Variants in CFAP99 observed in about 807,000 individuals in gnomAD.
CFAP99 encodes the protein cilia and flagella associated protein 99.
In CFAP99, 84 loss-of-function variants were observed where a neutral mutation model predicts 82.7. The observed-to-expected ratio is 1.02, with a 90% confidence interval of 0.85 to 1.22. The LOEUF (loss-of-function observed/expected upper bound fraction) is 1.22. Ranked by LOEUF, CFAP99 falls within the 50% of genes most tolerant of loss-of-function variation. The pLI, the probability that CFAP99 is intolerant of heterozygous loss-of-function variation, is 0.00. For synonymous variants in CFAP99, 456 were observed against 429.5 expected (o/e 1.06, Z -0.76); for missense variants, 1,059 against 983.5 (o/e 1.08, Z -1.03).
At chr4:2,436,526 C>T (rs927488761) in intron 2 of CFAP99, among the ~76,000 whole-genome samples, 3 of 152,202 alleles carry the variant, frequency 2.0e-5, no homozygotes, top group East Asian at 1.9e-4. Context: ...CTGCATTAGG[C>T]GACTCTCATG....
intron 4 of CFAP99, 40 bp downstream of exon 4, chr4:2,438,204 C>A: frequency 8.5e-7 from 1 of 1,170,018 alleles, no homozygotes; most frequent in Non-Finnish European, 1.2e-6. Context: ...ACGAGGCCCA[C>A]GGGTGAGGTC....
chr4:2,461,068 T>A (rs1394141675), intron 14 of CFAP99, among the ~76,000 whole-genome samples: 3 of 152,216 alleles, frequency 2.0e-5, no homozygotes, highest in Non-Finnish European at 4.4e-5. Context: ...TAACTTTTTT[T>A]TTCTTTTTAA....
intron 2 of CFAP99, among the ~76,000 whole-genome samples, chr4:2,434,598 G>C (rs1375172663): frequency 6.6e-6 from 1 of 152,244 alleles, no homozygotes; most frequent in African/African-American, 2.4e-5. Context: ...CCGGCTCCCA[G>C]CTGGTCAGAG....
intron 1 of CFAP99, among the ~76,000 whole-genome samples, chr4:2,422,666 T>C (rs1357456075): frequency 1.3e-5 from 2 of 152,130 alleles, no homozygotes; most frequent in African/African-American, 4.8e-5. Context: ...GTATACCCTG[T>C]TCCTCCAGGC....
intron 3 of CFAP99, 72 bp from the exon 4 acceptor site, chr4:2,437,998 C>T (rs1185218201): frequency 1.9e-5 from 17 of 906,848 alleles, no homozygotes; most frequent in Non-Finnish European, 2.8e-5. Flanking sequence ...TGGAGGCCTT[C>T]GGCTCCGGTC....
At chr4:2,438,676 G>A (rs559247470) in intron 4 of CFAP99, among the ~76,000 whole-genome samples, 23 of 152,178 alleles carry the variant, frequency 1.5e-4, no homozygotes, top group East Asian at 3.9e-4. Context: ...AGGCTGAAGC[G>A]GGAGGATCAC....
intron 1 of CFAP99, among the ~76,000 whole-genome samples, chr4:2,425,736 G>T (rs530458552): frequency 1.5e-4 from 23 of 152,254 alleles, no homozygotes; most frequent in Middle Eastern, 3.4e-3. Flanking sequence ...TAGTTTGGGG[G>T]CCACATGTTG....
intron 11 of CFAP99, 111 bp downstream of exon 11, chr4:2,452,457 T>A: frequency 8.9e-7 from 1 of 1,126,316 alleles, no homozygotes; most frequent in Non-Finnish European, 1.3e-6. Flanking sequence ...AGCGCCCCCG[T>A]AGAAGCTACT....
exon 13 of CFAP99, chr4:2,459,120 C>A (rs118181989): frequency 2.0e-6 from 3 of 1,521,084 alleles, no homozygotes; most frequent in Non-Finnish European, 2.6e-6. Flanking sequence ...AGGAGGCGAT[C>A]GAGGAGAGCA....
At chr4:2,459,131 G>C in exon 13 of CFAP99, 1 of 1,531,412 alleles carries the variant, frequency 6.5e-7, no homozygotes, top group Non-Finnish European at 8.7e-7. Context: ...GAGGAGAGCA[G>C]GGGGCTGCTG....
chr4:2,430,641 C>CA (rs1030224128), intron 2 of CFAP99, among the ~76,000 whole-genome samples: 5 of 152,116 alleles, frequency 3.3e-5, no homozygotes, highest in African/African-American at 1.2e-4. Context: ...GCCCCTCCCC[C>CA]AAAAAAAAGT....
At chr4:2,453,816 ATTT>A (rs34930865) in intron 11 of CFAP99, among the ~76,000 whole-genome samples, 1 of 132,536 alleles carries the variant, frequency 7.5e-6, no homozygotes, top group Non-Finnish European at 1.6e-5. Context: ...ATATAACATG[ATTT>A]TTTTTTTTTT....
intron 13 of CFAP99, 82 bp downstream of exon 13, chr4:2,459,340 C>T (rs1734521425): frequency 2.1e-6 from 3 of 1,428,728 alleles, no homozygotes; most frequent in Non-Finnish European, 2.8e-6. Context: ...CCAGGGTTCC[C>T]ACCAGAGCCA....
chr4:2,436,712 C>T (rs1419154389), intron 2 of CFAP99, among the ~76,000 whole-genome samples, 162 bp from the exon 3 acceptor site: 2 of 152,232 alleles, frequency 1.3e-5, no homozygotes, highest in South Asian at 2.1e-4. Context: ...GGGACCAGTT[C>T]CTGAGTGGGG....
Position 2,462,636 on chromosome 4 carries a change from C to T in CFAP99, c.1855C>T (p.Arg619Ter). ...TCCGGATTGGTGGGAGGAGCCCGGG[C>T]GACTGAAAGCCGGGGCCGGGTGGGG... Residue 619 changes from arginine (R) to a stop codon, truncating the protein, a stop_gained, in exon 15 of 15, where the codon CGA becomes TGA. Transcript: ENST00000635017. LOFTEE classifies it low-confidence loss of function (END_TRUNC). This position sits in a 1 kb window ranked among gnomAD's most constrained non-coding sequence, Gnocchi z 4.1. 1.5e-6 allele frequency: 2 copies of T among 1,303,324 alleles called. No homozygotes were observed. The highest frequency in any genetic ancestry group is 2.2e-5 in the South Asian group (1 of 45,230). The allele number at this position is 1,303,324 out of a possible 1,614,324, so 80.7% of individuals were successfully genotyped here.
intron 11 of CFAP99, among the ~76,000 whole-genome samples, chr4:2,456,121 C>T (rs1324321193): frequency 6.6e-6 from 1 of 152,146 alleles, no homozygotes; most frequent in Non-Finnish European, 1.5e-5. Flanking sequence ...CTCTGTGCCT[C>T]ATAGAAGCCA....
chr4:2,440,787 G>T (rs1406278098), intron 4 of CFAP99, among the ~76,000 whole-genome samples: 1 of 151,460 alleles, frequency 6.6e-6, no homozygotes, highest in Non-Finnish European at 1.5e-5. Context: ...GTAGAGACAG[G>T]GTTTCACCAT....
At position 2,452,248 on chromosome 4, in the gene CFAP99, C is replaced by G. The variant is rs962625600; in HGVS notation, c.1063C>G (p.Arg355Gly). Residue 355 changes from arginine (R) to glycine (G), a missense_variant, in exon 11 of 15, where the codon CGG becomes GGG. By Grantham distance (125) the Arg-to-Gly change is moderately radical. Transcript: ENST00000635017. ...GGAGCAGCTGGCTGCAAGCGAGTGCCGGCGGTTGCAAGGGAAGCTTAGCCA... is the reference window on the plus strand; with the variant it reads ...GGAGCAGCTGGCTGCAAGCGAGTGCGGGCGGTTGCAAGGGAAGCTTAGCCA... The G allele has an allele frequency of 2.1e-5, 33 of 1,536,052 alleles. No individual in the cohort carries two copies. The East Asian group carries it at 7.6e-4, about 35-fold the overall frequency.
At chr4:2,428,089 G>GC (rs1733722109) in intron 2 of CFAP99, 1 of 152,592 alleles carries the variant, frequency 6.6e-6, no homozygotes, top group African/African-American at 2.4e-5. Context: ...AACAGCTCGG[G>GC]CCCAGGTTCA....
Sources: gnomAD v4.1 joint callset for allele counts (sites outside exome capture counted in the v4.1 genomes callset) on GRCh38, gnomAD v4.1.1 for gene constraint, Gnocchi (gnomAD v3.1) non-coding constraint, MANE v1.5 for transcripts, NCBI Gene and HGNC (gene_info 2026-07-23, HGNC 2026-07-21) for gene names.